The following PKN2 variants were observed in gnomAD, a reference collection of about 807,000 sequenced individuals.
PKN2 encodes serine/threonine-protein kinase N2.
A neutral mutation model predicts 119.1 loss-of-function variants in PKN2; 38 were observed. The observed-to-expected ratio is 0.32, with a 90% CI of 0.25 to 0.42. The LOEUF is 0.42. Among genes scored for constraint, PKN2 ranks in the 10% least tolerant of loss-of-function variants. The pLI, the probability that PKN2 is intolerant of heterozygous loss-of-function variation, is 1.00. For missense variants in PKN2, 850 were observed against 1,165.1 expected, an observed-to-expected ratio of 0.73 and a Z score of 3.94; for synonymous variants, 390 against 384.9, an observed-to-expected ratio of 1.01 and a Z score of -0.15.
chr1:88,791,283 A>C (rs956740747), intron 8 of PKN2, among the ~76,000 whole-genome samples: 1 of 152,100 alleles, frequency 6.6e-6, no homozygotes, highest in African/African-American at 2.4e-5. Context: ...TGAAAATCCA[A>C]AAGTTAGCCG....
intron 1 of PKN2, among the ~76,000 whole-genome samples, chr1:88,698,958 A>G (rs899901423): frequency 6.6e-6 from 1 of 152,232 alleles, no homozygotes; most frequent in African/African-American, 2.4e-5. Context: ...AACTCTGCAC[A>G]AAAATGAGAG....
At chr1:88,719,013 G>A (rs1667566452) in intron 1 of PKN2, among the ~76,000 whole-genome samples, 1 of 152,106 alleles carries the variant, frequency 6.6e-6, no homozygotes, top group Non-Finnish European at 1.5e-5. Flanking sequence ...TATGCTAAAT[G>A]TGATATTTAT....
Position 88,771,848 on chromosome 1 carries a change from T to C in PKN2, c.954T>C (p.Tyr318=), listed in dbSNP as rs1431634695. 1 of 1,613,694 alleles carries C rather than the reference T, an allele frequency of 6.2e-7. No individual in the cohort carries two copies. Among genetic ancestry groups the C allele is most frequent in the Non-Finnish European group, 8.5e-7 (1 of 1,179,666 alleles). The change falls in exon 6 of 22, where the codon TAT becomes TAC. Residue 318 remains tyrosine, a synonymous_variant. Transcript: ENST00000370521. ...GTATGATATCTACGCAAAATCAATA[T>C]AGTACACTATCCAAACCAGCAGCAC... ...RQSMISTQNQ[Y]STLSKPAALT... is the part of the protein sequence containing the mutation.
At chr1:88,772,078 A>G (rs1669918625) in intron 6 of PKN2, among the ~76,000 whole-genome samples, 199 bp downstream of exon 6, 1 of 152,208 alleles carries the variant, frequency 6.6e-6, no homozygotes, top group African/African-American at 2.4e-5. Flanking sequence ...TGTGACCATC[A>G]CCACTACCTA....
At chr1:88,694,738 T>C (rs1666468332) in intron 1 of PKN2, among the ~76,000 whole-genome samples, 1 of 152,204 alleles carries the variant, frequency 6.6e-6, no homozygotes, top group African/African-American at 2.4e-5. Context: ...ATAAGAGTTT[T>C]TGTTGTTCCA....
At chr1:88,829,923 A>G (rs1197382853) in intron 19 of PKN2, among the ~76,000 whole-genome samples, 2 of 152,176 alleles carry the variant, frequency 1.3e-5, no homozygotes, top group African/African-American at 4.8e-5. Context: ...CGCCGGATGG[A>G]TAACCCCTTT....
intron 16 of PKN2, among the ~76,000 whole-genome samples, chr1:88,819,206 A>T (rs773508421): frequency 6.6e-6 from 1 of 152,248 alleles, no homozygotes; most frequent in African/African-American, 2.4e-5. Context: ...GCTTCTGCAC[A>T]GCAAAAGAAA....
chr1:88,743,459 A>G (rs1668652499), intron 2 of PKN2, among the ~76,000 whole-genome samples: 1 of 152,154 alleles, frequency 6.6e-6, no homozygotes, highest in South Asian at 2.1e-4. Context: ...TAAAGAAATT[A>G]CCTCCTTTAA....
chr1:88,708,330 T>C (rs1450697323), intron 1 of PKN2, among the ~76,000 whole-genome samples: 1 of 152,166 alleles, frequency 6.6e-6, no homozygotes, highest in Non-Finnish European at 1.5e-5. Context: ...AAATAAGTCA[T>C]TTTATAAACT....
chr1:88,784,338 G>T (rs1221788432), intron 6 of PKN2, among the ~76,000 whole-genome samples: 1 of 151,762 alleles, frequency 6.6e-6, no homozygotes, highest in Non-Finnish European at 1.5e-5. Flanking sequence ...GCCCAGGCTG[G>T]TCTCAAACTC....
At chr1:88,731,315 G>T (rs557677482) in intron 1 of PKN2, among the ~76,000 whole-genome samples, 4 of 152,220 alleles carry the variant, frequency 2.6e-5, no homozygotes, top group Non-Finnish European at 5.9e-5. Context: ...GGCACAGAAT[G>T]TTGGATTAGG....
intron 12 of PKN2, among the ~76,000 whole-genome samples, chr1:88,806,989 A>C (rs925219250): frequency 6.6e-6 from 1 of 152,052 alleles, no homozygotes; most frequent in African/African-American, 2.4e-5. Flanking sequence ...AAGTGCTGGG[A>C]TTACAGGCAT....
In PKN2 at chr1:88,827,650, T is replaced by G. The variant is rs563183563; in HGVS notation, c.2420-831T>G. On this transcript the variant is annotated intron_variant, in intron 18 of 21. Transcript: ENST00000370521. ...TTCCCTTCCCTTCCCTCCCCTCTTC[T>G]CCCCTCCCCTCCCGTCCCCTCCTCT... Among the ~76,000 whole-genome samples the G allele has an allele frequency of 5.0e-3, 460 of 92,148 alleles. 3 individuals are homozygous for G. The highest frequency in any genetic ancestry group is 0.018 in the African/African-American group (430 of 23,310). 60.5% of individuals were successfully genotyped at this position (92,148 alleles called of 152,430 possible).
chr1:88,784,636 C>A lies in PKN2; in HGVS notation c.986-3C>A. 1 of 1,553,542 alleles carries A rather than the reference C, an allele frequency of 6.4e-7. No individual in the cohort carries two copies. Among genetic ancestry groups the A allele is most frequent in the South Asian group, 1.2e-5 (1 of 82,914 alleles). ...CTTATCTGATATTTATGTTTGCCAA[C>A]AGGTACTTTGGAAGTTCGTCTTATG... is the stretch of plus-strand genomic sequence containing the variant. On this transcript the variant is annotated splice_polypyrimidine_tract_variant and splice_region_variant and intron_variant, in intron 6 of 21. Coordinates refer to ENST00000370521, the MANE Select transcript of PKN2 (RefSeq NM_006256.4).
At chr1:88,730,304 G>C (rs1668095166) in intron 1 of PKN2, among the ~76,000 whole-genome samples, 1 of 152,046 alleles carries the variant, frequency 6.6e-6, no homozygotes, top group African/African-American at 2.4e-5. Flanking sequence ...GTTCAGTAAG[G>C]CCATCAGGGA....
At chr1:88,738,326 T>C (rs1668436571) in intron 1 of PKN2, among the ~76,000 whole-genome samples, 1 of 152,214 alleles carries the variant, frequency 6.6e-6, no homozygotes, top group African/African-American at 2.4e-5. Flanking sequence ...TTCAACTAAA[T>C]TCTAAAGAAA....
intron 1 of PKN2, among the ~76,000 whole-genome samples, chr1:88,697,279 A>T (rs1239211948): frequency 6.6e-6 from 1 of 152,188 alleles, no homozygotes; most frequent in Non-Finnish European, 1.5e-5. Flanking sequence ...CATATAGGTT[A>T]TGCTTAATAA....
At chr1:88,809,348 T>G (rs1030487353) in intron 15 of PKN2, among the ~76,000 whole-genome samples, 3 of 152,214 alleles carry the variant, frequency 2.0e-5, no homozygotes, top group Admixed American at 6.5e-5. Context: ...CTAAGTCTGT[T>G]TATAATTGGA....
intron 12 of PKN2, 116 bp downstream of exon 12, chr1:88,806,133 T>C: frequency 3.2e-6 from 3 of 928,732 alleles, no homozygotes; most frequent in South Asian, 3.2e-5. Context: ...TGTGAATTTA[T>C]GGTTTTTTGT....
Sources: gnomAD v4.1 joint callset for allele counts (sites outside exome capture counted in the v4.1 genomes callset) on GRCh38, gnomAD v4.1.1 for gene constraint, MANE v1.5 for transcripts, NCBI Gene and HGNC (gene_info 2026-07-23, HGNC 2026-07-21) for gene names.